The following TMEM163 variants were observed in gnomAD, a reference collection of about 807,000 sequenced individuals.
TMEM163 encodes the protein transmembrane protein 163.
In TMEM163, 17 loss-of-function variants were observed where a neutral mutation model predicts 29.3. The ratio of observed to expected loss-of-function variants is 0.58; its 90% CI spans 0.40 to 0.87. TMEM163 has a LOEUF of 0.87. Ranked by LOEUF, TMEM163 falls within the 40% of genes least tolerant of loss-of-function variation. The pLI is 0.00. For missense variants in TMEM163, 303 were observed against 381.5 expected, an observed-to-expected ratio of 0.79 and a Z score of 1.71; for synonymous variants, 157 against 160.6, an observed-to-expected ratio of 0.98 and a Z score of 0.17.
At chr2:134,594,782 T>C (rs927627987) in intron 2 of TMEM163, among the ~76,000 whole-genome samples, 3 of 152,066 alleles carry the variant, frequency 2.0e-5, no homozygotes, top group African/African-American at 7.2e-5. Context: ...ATTCTCTGAA[T>C]CCCACAGAAT....
intron 2 of TMEM163, among the ~76,000 whole-genome samples, chr2:134,682,818 C>T (rs1011431337): frequency 6.6e-6 from 1 of 152,136 alleles, no homozygotes; most frequent in African/African-American, 2.4e-5. Context: ...AACCTGCACA[C>T]AGATGTTTAT....
chr2:134,521,217 T>G (rs564683807), intron 4 of TMEM163, among the ~76,000 whole-genome samples: 1 of 152,304 alleles, frequency 6.6e-6, no homozygotes, highest in Admixed American at 6.5e-5. Flanking sequence ...CAGGATGATC[T>G]TGATCTCCTG....
intron 2 of TMEM163, among the ~76,000 whole-genome samples, chr2:134,668,261 C>T (rs965192112): frequency 4.6e-5 from 7 of 152,026 alleles, no homozygotes; most frequent in Non-Finnish European, 1.0e-4. Flanking sequence ...GGAACAAGCC[C>T]ACAGTTCTCA....
At chr2:134,475,768 A>C (rs1296019836) in intron 5 of TMEM163, among the ~76,000 whole-genome samples, 2 of 152,212 alleles carry the variant, frequency 1.3e-5, no homozygotes, top group Non-Finnish European at 2.9e-5. Context: ...AGTACATGGA[A>C]ACCACTGTAA....
chr2:134,701,046 G>A (rs753775042), intron 2 of TMEM163, among the ~76,000 whole-genome samples: 2 of 151,778 alleles, frequency 1.3e-5, no homozygotes, highest in Admixed American at 6.6e-5. Flanking sequence ...GCATAGAGAC[G>A]GTCCACATGG....
chr2:134,649,485 T>A (rs1483127729), intron 2 of TMEM163, among the ~76,000 whole-genome samples: 1 of 152,160 alleles, frequency 6.6e-6, no homozygotes, highest in African/African-American at 2.4e-5. Context: ...AAAAGAGACA[T>A]TTAAGAGCAT....
chr2:134,590,137 A>G (rs1270287931), intron 2 of TMEM163, among the ~76,000 whole-genome samples: 1 of 147,370 alleles, frequency 6.8e-6, no homozygotes, highest in Non-Finnish European at 1.5e-5. Flanking sequence ...TTTTTTTTCT[A>G]TAAGAGTCAT....
intron 2 of TMEM163, among the ~76,000 whole-genome samples, chr2:134,647,767 G>A (rs1683365154): frequency 6.6e-6 from 1 of 152,234 alleles, no homozygotes; most frequent in Admixed American, 6.5e-5. Context: ...ATTGCCAGCA[G>A]GGGCGGACTC....
At chr2:134,700,981 T>TA (rs1000243446) in intron 2 of TMEM163, among the ~76,000 whole-genome samples, 8 of 133,480 alleles carry the variant, frequency 6.0e-5, no homozygotes, top group Non-Finnish European at 8.0e-5. Flanking sequence ...CCCATTAGTT[T>TA]AAAAAAAAAT....
At chr2:134,508,854 T>C (rs1679884877) in intron 4 of TMEM163, among the ~76,000 whole-genome samples, 1 of 152,162 alleles carries the variant, frequency 6.6e-6, no homozygotes, top group Non-Finnish European at 1.5e-5. Context: ...GAGATTGACT[T>C]GGACCAGGGA....
chr2:134,561,380 A>AT (rs374778206), intron 2 of TMEM163, among the ~76,000 whole-genome samples: 39 of 136,420 alleles, frequency 2.9e-4, no homozygotes, highest in Non-Finnish European at 5.1e-4. Flanking sequence ...ATTTTTTTGT[A>AT]TTTTTTTTTA....
intron 5 of TMEM163, among the ~76,000 whole-genome samples, chr2:134,492,834 A>C (rs1310683099): frequency 6.6e-6 from 1 of 152,232 alleles, no homozygotes. Context: ...TTGTGCAGAC[A>C]TGTATTTTCA....
At chr2:134,561,550 C>T (rs925566171) in intron 2 of TMEM163, among the ~76,000 whole-genome samples, 5 of 152,158 alleles carry the variant, frequency 3.3e-5, no homozygotes, top group African/African-American at 4.8e-5. Flanking sequence ...AGGGTTTCAC[C>T]GTGTTAGCCA....
chr2:134,688,643 A>G (rs1574340410), intron 2 of TMEM163, among the ~76,000 whole-genome samples: 3 of 152,370 alleles, frequency 2.0e-5, no homozygotes, highest in Middle Eastern at 6.8e-3. Flanking sequence ...CACTGGAGAC[A>G]TTCATAGACA....
intron 2 of TMEM163, among the ~76,000 whole-genome samples, chr2:134,573,933 G>A (rs1370418678): frequency 1.3e-5 from 2 of 152,160 alleles, no homozygotes; most frequent in Non-Finnish European, 2.9e-5. Flanking sequence ...AACTTCCGGA[G>A]GGACCCACAG....
rs114856688 is a variant in TMEM163, at chr2:134,461,743, C to T, written c.668-3570G>A. 3.9e-3 allele frequency among the ~76,000 whole-genome samples: 589 copies of T among 152,328 alleles called. 5 individuals carry two copies. The highest frequency in any genetic ancestry group is 7.3e-3 in the Non-Finnish European group (498 of 68,026). ...CCTCCCAGCTGTAAGGACACCCCAG[C>T]GACAAGTGAGCTGGCAGCATCAGCC... On this transcript the variant is annotated intron_variant, in intron 6 of 7. Coordinates refer to ENST00000281924, the MANE Select transcript of TMEM163 (RefSeq NM_030923.5).
At chr2:134,550,505 G>C in intron 4 of TMEM163, 65 bp downstream of exon 4, 1 of 1,463,640 alleles carries the variant, frequency 6.8e-7, no homozygotes, top group Non-Finnish European at 9.6e-7. Flanking sequence ...TGTGTTGAGG[G>C]CCTCATTCCG....
chr2:134,614,890 G>T (rs1274914965), intron 2 of TMEM163, among the ~76,000 whole-genome samples: 4 of 150,394 alleles, frequency 2.7e-5, no homozygotes, highest in Non-Finnish European at 4.4e-5. Flanking sequence ...CTCTGTAAAA[G>T]ACTTTAAAAA....
intron 5 of TMEM163, among the ~76,000 whole-genome samples, chr2:134,495,909 C>T (rs1164108558): frequency 1.3e-5 from 2 of 152,130 alleles, no homozygotes; most frequent in African/African-American, 4.8e-5. Context: ...TTTCCTTGTT[C>T]CCACCTCATG....
Sources: gnomAD v4.1 joint callset for allele counts (sites outside exome capture counted in the v4.1 genomes callset) on GRCh38, gnomAD v4.1.1 for gene constraint, MANE v1.5 for transcripts, NCBI Gene and HGNC (gene_info 2026-07-23, HGNC 2026-07-21) for gene names.